The following DLG2 variants were observed in gnomAD, a reference collection of about 807,000 sequenced individuals.
DLG2 encodes disks large homolog 2.
A neutral mutation model predicts 132.5 loss-of-function variants in DLG2; 45 were observed. The observed-to-expected ratio is 0.34, with a 90% CI of 0.27 to 0.44. The LOEUF is 0.44. Among genes scored for constraint, DLG2 ranks in the 20% least tolerant of loss-of-function variants. The pLI is 1.00. For synonymous variants in DLG2, 424 were observed against 419.6 expected, an observed-to-expected ratio of 1.01 and a Z score of -0.13; for missense variants, 1,045 against 1,196.9, an observed-to-expected ratio of 0.87 and a Z score of 1.87.
chr11:84,402,881 CAAAAA>C (rs34476380), intron 7 of DLG2, among the ~76,000 whole-genome samples: 4 of 73,910 alleles, frequency 5.4e-5, no homozygotes, highest in Non-Finnish European at 7.1e-5. Context: ...AACTCCGTCT[CAAAAA>C]AAAAAAAAAA....
chr11:85,029,253 A>T (rs1330225836), intron 6 of DLG2, among the ~76,000 whole-genome samples: 1 of 151,900 alleles, frequency 6.6e-6, no homozygotes, highest in Non-Finnish European at 1.5e-5. Flanking sequence ...GAAACAACGT[A>T]AACTGCCATG....
intron 6 of DLG2, among the ~76,000 whole-genome samples, chr11:84,742,580 C>A (rs574421521): frequency 3.3e-5 from 5 of 152,152 alleles, no homozygotes; most frequent in African/African-American, 1.2e-4. Flanking sequence ...AAATGCATAG[C>A]ATTCCCTATT....
At chr11:85,194,941 G>A (rs187420496) in intron 4 of DLG2, among the ~76,000 whole-genome samples, 63 of 152,264 alleles carry the variant, frequency 4.1e-4, no homozygotes, top group African/African-American at 1.5e-3. Context: ...CATAAAGTTG[G>A]AAAGTACAAA....
chr11:84,001,259 T>C (rs999878255), intron 11 of DLG2, among the ~76,000 whole-genome samples: 2 of 146,796 alleles, frequency 1.4e-5, no homozygotes, highest in South Asian at 2.1e-4. Context: ...AGATATTCCA[T>C]AATAACAGAA....
At chr11:85,465,073 C>G (rs866956743) in intron 3 of DLG2, among the ~76,000 whole-genome samples, 1 of 17,120 alleles carries the variant, frequency 5.8e-5, no homozygotes, top group South Asian at 2.5e-3. Context: ...AACTCTGCCT[C>G]AAAAAAAAAA....
chr11:83,754,707 G>A (rs1024279760), intron 18 of DLG2, among the ~76,000 whole-genome samples: 1 of 151,216 alleles, frequency 6.6e-6, no homozygotes, highest in Non-Finnish European at 1.5e-5. Context: ...TGTCATGTAA[G>A]AGATACAAAG....
chr11:84,540,433 C>A (rs2099365645), intron 6 of DLG2, among the ~76,000 whole-genome samples: 1 of 151,548 alleles, frequency 6.6e-6, no homozygotes, highest in Admixed American at 6.6e-5. Context: ...CCAACAGACA[C>A]ATGAAAAAAT....
At chr11:84,134,667 T>C (rs1318541220) in intron 9 of DLG2, among the ~76,000 whole-genome samples, 2 of 150,464 alleles carry the variant, frequency 1.3e-5, no homozygotes, top group Non-Finnish European at 1.5e-5. Context: ...CATGTAGTCT[T>C]GTCTCAAGAG....
intron 6 of DLG2, among the ~76,000 whole-genome samples, chr11:84,786,017 A>T (rs2072827887): frequency 6.6e-6 from 1 of 152,068 alleles, no homozygotes; most frequent in South Asian, 2.1e-4. Context: ...TGGAAACCAC[A>T]CTGGAAACAC....
At chr11:85,374,715 C>A (rs1258766699) in intron 3 of DLG2, among the ~76,000 whole-genome samples, 2 of 152,186 alleles carry the variant, frequency 1.3e-5, no homozygotes, top group African/African-American at 2.4e-5. Context: ...ACCTAGAAAC[C>A]ACTCAAGTAC....
At chr11:83,848,250 C>T (rs886846842) in intron 16 of DLG2, among the ~76,000 whole-genome samples, 1 of 151,968 alleles carries the variant, frequency 6.6e-6, no homozygotes, top group African/African-American at 2.4e-5. Context: ...AGAACTACAA[C>T]CCCCTTGGGC....
intron 6 of DLG2, among the ~76,000 whole-genome samples, chr11:84,667,903 A>C (rs2099701590): frequency 6.6e-6 from 1 of 152,158 alleles, no homozygotes; most frequent in South Asian, 2.1e-4. Context: ...TAAAAAATCA[A>C]AATACTTGAG....
chr11:85,068,917 G>C (rs1237196409), intron 6 of DLG2, among the ~76,000 whole-genome samples: 1 of 152,172 alleles, frequency 6.6e-6, no homozygotes, highest in Non-Finnish European at 1.5e-5. Context: ...CAAGGCTACA[G>C]TAACCAAAAC....
intron 6 of DLG2, among the ~76,000 whole-genome samples, chr11:85,023,033 A>T (rs150186665): frequency 1.8e-3 from 277 of 152,198 alleles, no homozygotes; most frequent in African/African-American, 6.4e-3. Context: ...ATAGGCATCA[A>T]ATTTAAAGAA....
chr11:84,187,470 C>G (rs2096299051), intron 8 of DLG2, among the ~76,000 whole-genome samples: 1 of 151,986 alleles, frequency 6.6e-6, no homozygotes, highest in African/African-American at 2.4e-5. Context: ...ATAAAAGAAG[C>G]ATCCCCCTTT....
chr11:84,522,161 CTG>C (rs1034335003), intron 7 of DLG2, among the ~76,000 whole-genome samples: 3 of 149,966 alleles, frequency 2.0e-5, no homozygotes, highest in African/African-American at 7.4e-5. Context: ...GAGCGAGACT[CTG>C]TCTCAAAAAC....
At chr11:84,713,351 T>A (rs1268232754) in intron 6 of DLG2, among the ~76,000 whole-genome samples, 1 of 152,086 alleles carries the variant, frequency 6.6e-6, no homozygotes, top group Non-Finnish European at 1.5e-5. Context: ...TATACCCATC[T>A]CAAAGGGGCA....
intron 11 of DLG2, among the ~76,000 whole-genome samples, chr11:83,990,478 T>C (rs1233643978): frequency 6.6e-6 from 1 of 152,084 alleles, no homozygotes. Context: ...CATGAACGGA[T>C]CGTGGTTCAC....
At chr11:85,020,763 C>G in intron 6 of DLG2, 2 of 684,200 alleles carry the variant, frequency 2.9e-6, no homozygotes, top group Non-Finnish European at 5.5e-6. Flanking sequence ...ATTTCTAAAC[C>G]CTGCTATGTG....
Sources: gnomAD v4.1 joint callset for allele counts (sites outside exome capture counted in the v4.1 genomes callset) on GRCh38, gnomAD v4.1.1 for gene constraint, MANE v1.5 for transcripts, NCBI Gene and HGNC (gene_info 2026-07-23, HGNC 2026-07-21) for gene names.